Variants in AOX1 observed in about 807,000 individuals in gnomAD.
AOX1 encodes the protein aldehyde oxidase.
A neutral mutation model predicts 169.5 loss-of-function variants in AOX1; 153 were observed. The ratio of observed to expected loss-of-function variants is 0.90; its 90% CI spans 0.79 to 1.03. The LOEUF is 1.03. Among genes scored for constraint, AOX1 ranks in the 50% least tolerant of loss-of-function variants. The probability of loss-of-function intolerance (pLI) is 0.00; values close to 1 mark genes in which losing one functional copy is unlikely to be tolerated. For missense variants in AOX1, 1,656 were observed against 1,663.9 expected, an observed-to-expected ratio of 1.00 and a Z score of 0.08; for synonymous variants, 562 against 581.9, an observed-to-expected ratio of 0.97 and a Z score of 0.49.
chr2:200,651,244 C>A (rs759428490), intron 26 of AOX1, 43 bp downstream of exon 26: 1 of 1,564,514 alleles, frequency 6.4e-7, no homozygotes, highest in Non-Finnish European at 8.8e-7. Flanking sequence ...CTGGAAGCAG[C>A]CCTGACAAAG....
At chr2:200,661,135 C>T (rs1430338128) in intron 29 of AOX1, among the ~76,000 whole-genome samples, 3 of 152,112 alleles carry the variant, frequency 2.0e-5, no homozygotes, top group African/African-American at 7.2e-5. Context: ...ATTCCCCTCA[C>T]CTGAAACAAA....
chr2:200,631,012 GA>G (rs1377374445), intron 20 of AOX1, among the ~76,000 whole-genome samples: 4 of 150,760 alleles, frequency 2.7e-5, no homozygotes, highest in Non-Finnish European at 1.5e-5. Context: ...AAAGTTGAAG[GA>G]AAAAAAGAAA....
intron 5 of AOX1, among the ~76,000 whole-genome samples, chr2:200,602,075 C>G (rs765997508): frequency 6.6e-6 from 1 of 151,900 alleles, no homozygotes; most frequent in African/African-American, 2.4e-5. Flanking sequence ...GGAGAAAGTA[C>G]AAATACCTGA....
intron 16 of AOX1, among the ~76,000 whole-genome samples, chr2:200,617,621 T>C (rs1424909280): frequency 1.3e-5 from 2 of 152,024 alleles, no homozygotes; most frequent in Admixed American, 1.3e-4. Flanking sequence ...GATGAAGTGT[T>C]TTGTTTGTTA....
chr2:200,596,515 G>A (rs567207488), intron 3 of AOX1, among the ~76,000 whole-genome samples: 22 of 152,286 alleles, frequency 1.4e-4, no homozygotes, highest in African/African-American at 3.6e-4. Context: ...AACTACCCCC[G>A]GCACTCAGTG....
At chr2:200,678,544 C>G (rs2036128118), downstream of AOX1, 1 of 152,080 alleles carries the variant, frequency 6.6e-6, no homozygotes, top group Admixed American at 6.5e-5. Flanking sequence ...ATAAGATCAA[C>G]CAACCTATTT....
At chr2:200,627,702 T>C (rs532921207) in intron 20 of AOX1, among the ~76,000 whole-genome samples, 3 of 152,198 alleles carry the variant, frequency 2.0e-5, no homozygotes, top group Non-Finnish European at 4.4e-5. Context: ...AAGGCTCCAG[T>C]TGTTAGAGAT....
rs2035572168 is a variant in AOX1, at chr2:200,651,095, A to G, written c.2969A>G (p.Lys990Arg). 1.9e-6 allele frequency: 3 copies of G among 1,614,044 alleles called. No individual in the cohort carries two copies. Among genetic ancestry groups the G allele is most frequent in the Admixed American group, 1.7e-5 (1 of 59,996 alleles). ...CMAMSSYSLR[K>R]VAVEKFNAEN... ...GCCATGTCTTCCTACTCCTTGAGGA[A>G]AGTTGCTGTGGAAAAGTTCAATGCA... Residue 990 changes from lysine to arginine, a missense_variant, in exon 26 of 35, where the codon AAA (lysine) becomes AGA (arginine). Transcript: ENST00000374700.
At position 200,599,721 on chromosome 2, in the gene AOX1, G is replaced by A; in HGVS notation, c.411G>A (p.Leu137=). The A allele has an allele frequency of 1.2e-6, 2 of 1,604,964 alleles. No individual in the cohort carries two copies. The highest frequency in any genetic ancestry group is 1.7e-6 in the Non-Finnish European group (2 of 1,174,802). ...TCAGGAACCACCCAGAGCCCACTCT[G>A]GATCAGTTAACTGATGCCCTTGGTG... ...TLLRNHPEPT[L]DQLTDALGGN... The change falls in exon 5 of 35, where the codon CTG becomes CTA. Residue 137 remains leucine, a synonymous_variant. Coordinates refer to ENST00000374700, the MANE Select transcript of AOX1 (RefSeq NM_001159.4).
intron 25 of AOX1, among the ~76,000 whole-genome samples, chr2:200,648,605 T>G (rs1337468815): frequency 1.3e-5 from 2 of 152,130 alleles, no homozygotes; most frequent in Admixed American, 6.5e-5. Flanking sequence ...GCATCAGCTG[T>G]AGTAATGTGG....
At chr2:200,675,837 A>C (rs1014689399), downstream of AOX1, among the ~76,000 whole-genome samples, 1 of 150,824 alleles carries the variant, frequency 6.6e-6, no homozygotes. Context: ...ACAGAAAGCA[A>C]TTGAGGCATG....
At chr2:200,640,036 CA>C (rs547926062) in intron 23 of AOX1, among the ~76,000 whole-genome samples, 6,193 of 67,686 alleles carry the variant, frequency 0.091, 144 homozygotes, top group Admixed American at 0.18. Context: ...GACTCCATCT[CA>C]AAAAAAAAAA....
intron 10 of AOX1, among the ~76,000 whole-genome samples, chr2:200,607,360 G>A (rs750890270): frequency 8.5e-5 from 13 of 152,078 alleles, no homozygotes; most frequent in Admixed American, 4.6e-4. Flanking sequence ...TAAGCTTTTC[G>A]ATGTGCTGCT....
At chr2:200,632,929 C>T (rs1467089412) in intron 20 of AOX1, among the ~76,000 whole-genome samples, 1 of 149,028 alleles carries the variant, frequency 6.7e-6, no homozygotes, top group African/African-American at 2.5e-5. Context: ...TGGAATCTCA[C>T]TCTGTCGCCC....
At chr2:200,598,734 A>G (rs1393952382) in intron 4 of AOX1, among the ~76,000 whole-genome samples, 2 of 150,378 alleles carry the variant, frequency 1.3e-5, no homozygotes, top group South Asian at 4.2e-4. Flanking sequence ...ACAGAGCAAG[A>G]CTCTGTCTCA....
chr2:200,600,739 G>T (rs889409221), intron 5 of AOX1, among the ~76,000 whole-genome samples: 4 of 152,104 alleles, frequency 2.6e-5, no homozygotes, highest in African/African-American at 9.7e-5. Context: ...ATTTCCTTCA[G>T]ATCTTATCAT....
chr2:200,679,897 C>T (rs989645352), downstream of AOX1, among the ~76,000 whole-genome samples: 14 of 152,046 alleles, frequency 9.2e-5, no homozygotes, highest in African/African-American at 3.4e-4. Flanking sequence ...GCCTGGGCAA[C>T]ATAGCAAGGC....
At chr2:200,620,457 C>T (rs954323977) in intron 16 of AOX1, among the ~76,000 whole-genome samples, 193 bp from the exon 17 acceptor site, 1 of 152,080 alleles carries the variant, frequency 6.6e-6, no homozygotes, top group African/African-American at 2.4e-5. Flanking sequence ...GATCTGCCCA[C>T]CTTAGCCTCC....
intron 16 of AOX1, among the ~76,000 whole-genome samples, chr2:200,618,009 AG>A (rs946593518): frequency 6.6e-6 from 1 of 152,188 alleles, no homozygotes; most frequent in African/African-American, 2.4e-5. Flanking sequence ...GGGACAGGGC[AG>A]TGTGAGCTAC....
Sources: allele counts gnomAD v4.1 joint callset (sites outside exome capture counted in the v4.1 genomes callset), GRCh38; gene constraint gnomAD v4.1.1; transcripts MANE v1.5; gene names NCBI Gene and HGNC (gene_info 2026-07-23, HGNC 2026-07-21).